SIRT1: variants seen among roughly 807,000 people sequenced by gnomAD.
SIRT1 encodes NAD-dependent protein deacetylase sirtuin-1.
A neutral mutation model predicts 67.9 loss-of-function variants in SIRT1; 24 were observed. The ratio of observed to expected loss-of-function variants is 0.35; its 90% CI spans 0.26 to 0.50. SIRT1 has a LOEUF of 0.50. Ranked by LOEUF, SIRT1 falls within the 20% of genes least tolerant of loss-of-function variation. The pLI is 0.98. For missense variants in SIRT1, 873 were observed against 937.2 expected (o/e 0.93, Z 0.89); for synonymous variants, 378 against 350.7 (o/e 1.08, Z -0.87).
At chr10:67,887,871 C>T (rs1842510594) in intron 2 of SIRT1, among the ~76,000 whole-genome samples, 2 of 152,224 alleles carry the variant, frequency 1.3e-5, no homozygotes. Context: ...CCACCTTGCC[C>T]CACCTCACTT....
chr10:67,903,370 C>A (rs148530747), intron 4 of SIRT1, among the ~76,000 whole-genome samples: 41 of 149,440 alleles, frequency 2.7e-4, no homozygotes, highest in African/African-American at 9.9e-4. Context: ...TGCAGAAAAG[C>A]CATTATTTCT....
Position 67,888,894 on chromosome 10 carries a change from T to C in SIRT1, c.560T>C (p.Phe187Ser). ...TPRPRIGPYT[F>S]VQQHLMIGTD... ...CCCCTTATTGTAGGTCCATATACTTTTGTTCAGCAACATCTTATGATTGGC... is the reference window on the plus strand; with the variant it reads ...CCCCTTATTGTAGGTCCATATACTTCTGTTCAGCAACATCTTATGATTGGC... The change falls in exon 3 of 9, where the codon TTT (phenylalanine) becomes TCT (serine). Residue 187 changes from phenylalanine to serine, a missense_variant. Physicochemically the swap from Phe to Ser is radical, Grantham distance 155. Around this residue, in one of 3 missense-constraint regions of SIRT1, gnomAD observed 327 missense variants for 283.9 expected, o/e 1.15. Transcript: ENST00000212015. The C allele has an allele frequency of 1.2e-6, 2 of 1,611,806 alleles. No individual in the cohort carries two copies. The highest frequency in any genetic ancestry group is 1.7e-6 in the Non-Finnish European group (2 of 1,178,572).
In SIRT1 at chr10:67,889,008, T is replaced by C. The variant is rs1328620249; in HGVS notation, c.674T>C (p.Ile225Thr). The C allele has an allele frequency of 5.6e-6, 9 of 1,613,806 alleles. No individual in the cohort carries two copies. Among genetic ancestry groups the C allele is most frequent in the Admixed American group, 3.3e-5 (2 of 59,994 alleles). The change falls in exon 3 of 9, where the codon ATT (isoleucine) becomes ACT (threonine). Residue 225 changes from isoleucine to threonine, a missense_variant. By Grantham distance (89) the Ile-to-Thr change is moderately conservative (BLOSUM62 -1). Around this residue, in one of 3 missense-constraint regions of SIRT1, gnomAD observed 251 missense variants for 358.8 expected, o/e 0.70. Transcript: ENST00000212015. Reference sequence around the variant, plus strand: ...GATATGACACTGTGGCAGATTGTTATTAATATCCTTTCAGAACCACCAAAA... The same window carrying C: ...GATATGACACTGTGGCAGATTGTTACTAATATCCTTTCAGAACCACCAAAA... ...LDDMTLWQIV[I>T]NILSEPPKRK...
chr10:67,885,420 G>T, intron 1 of SIRT1: 1 of 1,223,402 alleles, frequency 8.2e-7, no homozygotes, highest in Non-Finnish European at 1.0e-6. Flanking sequence ...TCTCGCAGTC[G>T]CTTTAAAATA....
rs57073724 is a variant in SIRT1 at position 67,914,059 on chromosome 10, A to ATTTTTTTTTT, written c.1915+1049_1915+1058dup. 1.7e-4 allele frequency among the ~76,000 whole-genome samples: 15 copies of ATTTTTTTTTT among 88,246 alleles called. 2 individuals carry two copies. The highest frequency in any genetic ancestry group is 7.2e-4 in the African/African-American group (14 of 19,458). The allele number at this position is 88,246 out of a possible 152,430, so 57.9% of individuals were successfully genotyped here. ...GAACAAAACATCACACAAAAGGTAG[A>ATTTTTTTTTT]TTTTTTTTTTTTTTTTTTTTTTTTT... is the stretch of plus-strand genomic sequence containing the variant. On this transcript the variant is annotated intron_variant, in intron 8 of 8. Transcript: ENST00000212015.
At chr10:67,910,104 G>A (rs1842877176) in intron 7 of SIRT1, among the ~76,000 whole-genome samples, 1 of 152,030 alleles carries the variant, frequency 6.6e-6, no homozygotes, top group African/African-American at 2.4e-5. Flanking sequence ...AGTAATGTTG[G>A]TGGCTCGTGC....
intron 7 of SIRT1, among the ~76,000 whole-genome samples, 198 bp from the exon 8 acceptor site, chr10:67,912,276 G>GTTT (rs982757073): frequency 3.8e-4 from 58 of 152,220 alleles, no homozygotes; most frequent in African/African-American, 1.3e-3. Flanking sequence ...GAACTTGAGC[G>GTTT]TTTTATAAAA....
At position 67,909,253 on chromosome 10, in the gene SIRT1, T is replaced by G; in HGVS notation, c.1171-3T>G. 1 of 1,580,166 alleles carries G rather than the reference T, an allele frequency of 6.3e-7. No homozygotes were observed. Among genetic ancestry groups the G allele is most frequent in the Non-Finnish European group, 8.6e-7 (1 of 1,167,350 alleles). On this transcript the variant is annotated splice_region_variant and splice_polypyrimidine_tract_variant and intron_variant, in intron 6 of 8. Transcript: ENST00000212015. ...ACCTCAACCAAAATCTGAAAATATG[T>G]AGGTAGTTCCTCGATGTCCTAGGTG...
intron 4 of SIRT1, among the ~76,000 whole-genome samples, chr10:67,893,007 A>T (rs1000605111): frequency 2.6e-5 from 4 of 152,232 alleles, no homozygotes; most frequent in Admixed American, 6.5e-5. Context: ...TTAATAATGC[A>T]TTACACCATT....
chr10:67,890,196 C>G (rs1842547330), intron 3 of SIRT1, among the ~76,000 whole-genome samples: 2 of 152,026 alleles, frequency 1.3e-5, no homozygotes, highest in African/African-American at 2.4e-5. Flanking sequence ...GCTGGGATTA[C>G]AGGCGCACAC....
At chr10:67,898,890 T>A (rs1322354894) in intron 4 of SIRT1, among the ~76,000 whole-genome samples, 1 of 152,204 alleles carries the variant, frequency 6.6e-6, no homozygotes, top group Non-Finnish European at 1.5e-5. Context: ...TATATTCTAC[T>A]TAATATAATA....
chr10:67,888,904 A>G lies in SIRT1; in HGVS notation c.570A>G (p.Gln190=), dbSNP rs762335935. ...PRIGPYTFVQ[Q]HLMIGTDPRT... Reference sequence around the variant, plus strand: ...TAGGTCCATATACTTTTGTTCAGCAACATCTTATGATTGGCACAGATCCTC... The same window carrying G: ...TAGGTCCATATACTTTTGTTCAGCAGCATCTTATGATTGGCACAGATCCTC... The change falls in exon 3 of 9, where the codon CAA becomes CAG. Residue 190 remains glutamine (Q), a synonymous_variant. Coordinates refer to ENST00000212015, the MANE Select transcript of SIRT1 (RefSeq NM_012238.5). 10 of 1,612,542 alleles carry G rather than the reference A, an allele frequency of 6.2e-6. No individual in the cohort carries two copies. Among genetic ancestry groups the G allele is most frequent in the Non-Finnish European group, 8.5e-6 (10 of 1,179,048 alleles).
In SIRT1 at chr10:67,891,533, A is replaced by T; in HGVS notation, c.921A>T (p.Arg307Ser). Residue 307 changes from arginine to serine, a missense_variant, in exon 4 of 9, where the codon AGA becomes AGT. By Grantham distance (110) the Arg-to-Ser change is moderately radical. Coordinates refer to ENST00000212015, the MANE Select transcript of SIRT1 (RefSeq NM_012238.5). Reference sequence around the variant, plus strand: ...TTGAATATTTCAGAAAAGATCCAAGACCATTCTTCAAGTTTGCAAAGGTAC... The same window carrying T: ...TTGAATATTTCAGAAAAGATCCAAGTCCATTCTTCAAGTTTGCAAAGGTAC... Reference protein sequence around the residue: ...FDIEYFRKDPRPFFKFAKEIY... With the variant: ...FDIEYFRKDPSPFFKFAKEIY... 6.2e-7 allele frequency: 1 copy of T among 1,614,106 alleles called. No homozygotes were observed.
At chr10:67,901,282 A>G (rs770031687) in intron 4 of SIRT1, among the ~76,000 whole-genome samples, 2 of 151,952 alleles carry the variant, frequency 1.3e-5, no homozygotes, top group African/African-American at 2.4e-5. Context: ...ACAGATGTGC[A>G]CCACCATGCC....
At chr10:67,899,820 C>T (rs1842713945) in intron 4 of SIRT1, among the ~76,000 whole-genome samples, 1 of 151,962 alleles carries the variant, frequency 6.6e-6, no homozygotes, top group African/African-American at 2.4e-5. Flanking sequence ...TGCGGTGGCT[C>T]ACACCTGTAA....
chr10:67,885,461 T>C (rs1842462472), intron 1 of SIRT1: 1 of 1,129,240 alleles, frequency 8.9e-7, no homozygotes, highest in Non-Finnish European at 1.1e-6. Context: ...TCTTTTAGCA[T>C]ATTGCTTTTG....
chr10:67,887,733 C>T (rs1244110797), intron 2 of SIRT1, among the ~76,000 whole-genome samples, 200 bp downstream of exon 2: 1 of 152,174 alleles, frequency 6.6e-6, no homozygotes, highest in Admixed American at 6.5e-5. Context: ...TATGCCACTA[C>T]GCCCGGCTAA....
At chr10:67,896,491 G>A (rs1014581949) in intron 4 of SIRT1, among the ~76,000 whole-genome samples, 1 of 152,056 alleles carries the variant, frequency 6.6e-6, no homozygotes, top group Non-Finnish European at 1.5e-5. Flanking sequence ...TGCGTTGTAG[G>A]ATGTTTGGCA....
At chr10:67,893,609 C>T (rs1396398680) in intron 4 of SIRT1, among the ~76,000 whole-genome samples, 1 of 141,394 alleles carries the variant, frequency 7.1e-6, no homozygotes, top group Non-Finnish European at 1.5e-5. Context: ...GTGGTGTGAT[C>T]TCTGCTCACC....
Sources: allele counts gnomAD v4.1 joint callset (sites outside exome capture counted in the v4.1 genomes callset), GRCh38; gene constraint gnomAD v4.1.1; regional missense constraint gnomAD v4.1.1; transcripts MANE v1.5; gene names NCBI Gene and HGNC (gene_info 2026-07-23, HGNC 2026-07-21).